Variants in CCDC142 observed in about 807,000 individuals in gnomAD.
The protein encoded by CCDC142 is coiled-coil domain containing 142, also known as coiled-coil domain-containing protein 142.
A neutral mutation model predicts 83.8 loss-of-function variants in CCDC142; 67 were observed. The observed-to-expected ratio is 0.80, with a 90% CI of 0.66 to 0.98. The LOEUF (loss-of-function observed/expected upper bound fraction) is 0.98, where lower values mean the gene tolerates loss of function less well. Among genes scored for constraint, CCDC142 ranks in the 50% least tolerant of loss-of-function variants. The pLI is 0.00. For synonymous variants in CCDC142, 421 were observed against 421.2 expected, an observed-to-expected ratio of 1.00 and a Z score of 0.01; for missense variants, 905 against 946.8, an observed-to-expected ratio of 0.96 and a Z score of 0.58.
chr2:74,481,983 C>T lies in CCDC142; in HGVS notation c.855G>A (p.Val285=), dbSNP rs369893295. 1.1e-5 allele frequency: 18 copies of T among 1,613,814 alleles called. No homozygotes were observed. In the African/African-American group the frequency reaches 2.4e-4, roughly 22 times the overall value. The change falls in exon 1 of 9, where the codon GTG becomes GTA. Residue 285 remains valine, a synonymous_variant. Transcript: ENST00000393965. ...LPGLLGLVGG[V]AGSASCGLGL... ...CTAGTCCACAGCTGGCTGAACCCGCCACGCCCCCGACCAGGCCCAGCAGCC... is the reference window on the plus strand; with the variant it reads ...CTAGTCCACAGCTGGCTGAACCCGCTACGCCCCCGACCAGGCCCAGCAGCC...
At position 74,478,013 on chromosome 2, in the gene CCDC142, A is replaced by T. The variant is rs903308109; in HGVS notation, c.1504-2287T>A. The stretch of plus-strand genomic sequence containing the variant: ...TAAAAAAAAAATATATATATATATA[A>T]ATAGATATAATATAAATAAAATATA... On this transcript the variant is annotated intron_variant, in intron 5 of 8. Transcript: ENST00000393965. Among the ~76,000 whole-genome samples, 42 of 147,506 alleles carry T rather than the reference A, an allele frequency of 2.8e-4. No homozygotes were observed. The East Asian group carries it at 7.6e-3, about 27-fold the overall frequency.
In CCDC142 at chr2:74,475,131, C is replaced by T; in HGVS notation, c.1797-16G>A. On this transcript the variant is annotated splice_polypyrimidine_tract_variant and intron_variant, in intron 7 of 8. Coordinates refer to ENST00000393965, the MANE Select transcript of CCDC142 (RefSeq NM_001365575.2). Reference sequence around the variant, plus strand: ...TCCCTGCAGGCTGAAGGCAGAGGTACAGTATGGCCACTTGACCCTCCTGCC... The same window carrying T: ...TCCCTGCAGGCTGAAGGCAGAGGTATAGTATGGCCACTTGACCCTCCTGCC... 3 of 1,610,226 alleles carry T rather than the reference C, an allele frequency of 1.9e-6. No individual in the cohort carries two copies. The highest frequency in any genetic ancestry group is 2.5e-6 in the Non-Finnish European group (3 of 1,177,830).
Position 74,475,534 on chromosome 2 carries a change from G to A in CCDC142, c.1618+78C>T, listed in dbSNP as rs541371020. On this transcript the variant is annotated intron_variant, in intron 6 of 8. Transcript: ENST00000393965. ...GAGGACAAGGATGGAGACAGTGGAG[G>A]GGAACCGGAATTTGGAAGGGCTGAG... 4.8e-6 allele frequency: 7 copies of A among 1,464,144 alleles called. No homozygotes were observed. The East Asian group carries it at 1.6e-4, about 34-fold the overall frequency. The allele number at this position is 1,464,144 out of a possible 1,614,324, so 90.7% of individuals were successfully genotyped here.
rs1372239551 is a variant in CCDC142, at chr2:74,474,663, A to G, written c.2136T>C (p.Pro712=). The G allele has an allele frequency of 6.2e-7, 1 of 1,614,212 alleles. No homozygotes were observed. The highest frequency in any genetic ancestry group is 2.2e-5 in the East Asian group (1 of 44,878). The change falls in exon 9 of 9, where the codon CCT becomes CCC. Residue 712 remains proline (P), a synonymous_variant. Transcript: ENST00000393965. ...TTCCCACCAGGTAGCCCTCCGGGCT[A>G]GGTCCCCTTCCTCCTAGTGTGCTTT... is the stretch of plus-strand genomic sequence containing the variant. ...QLQSTLGGRG[P]SPEGYLVGNQ...
In CCDC142 at chr2:74,475,038, G is replaced by T; in HGVS notation, c.1874C>A (p.Ser625Tyr). 4 of 1,614,078 alleles carry T rather than the reference G, an allele frequency of 2.5e-6. No individual in the cohort carries two copies. In the South Asian group the frequency reaches 3.3e-5, roughly 13 times the overall value. Reference sequence around the variant, plus strand: ...GAGCAGGGTCTGGCGGAGATCAGGGGACAGGCTCCACTGCTCCTCTTCCAG... The same window carrying T: ...GAGCAGGGTCTGGCGGAGATCAGGGTACAGGCTCCACTGCTCCTCTTCCAG... ...ELLEEEQWSL[S>Y]PDLRQTLLML... The change falls in exon 8 of 9, where the codon TCC (serine) becomes TAC (tyrosine). Residue 625 changes from serine to tyrosine, a missense_variant. Coordinates refer to ENST00000393965, the MANE Select transcript of CCDC142 (RefSeq NM_001365575.2).
intron 1 of CCDC142, 53 bp from the exon 2 acceptor site, chr2:74,481,591 C>A: frequency 6.5e-7 from 1 of 1,536,228 alleles, no homozygotes; most frequent in Non-Finnish European, 9.0e-7. Context: ...CTTTCCACAA[C>A]CCCTGCCCAC....
intron 5 of CCDC142, among the ~76,000 whole-genome samples, chr2:74,479,633 C>G (rs535603255): frequency 6.6e-6 from 1 of 152,250 alleles, no homozygotes; most frequent in African/African-American, 2.4e-5. Flanking sequence ...ACTGTATTGC[C>G]TAGGCTGGCT....
intron 5 of CCDC142, among the ~76,000 whole-genome samples, chr2:74,477,811 A>G (rs1344980337): frequency 6.6e-6 from 1 of 152,076 alleles, no homozygotes; most frequent in African/African-American, 2.4e-5. Context: ...AATGCCCAAC[A>G]GGCAAATGCA....
At chr2:74,477,148 C>T (rs900286281) in intron 5 of CCDC142, among the ~76,000 whole-genome samples, 1 of 150,926 alleles carries the variant, frequency 6.6e-6, no homozygotes, top group Admixed American at 6.6e-5. Context: ...GACCAAGTTT[C>T]GCTCTTATTG....
In CCDC142 at chr2:74,482,357, TC is replaced by T; in HGVS notation, c.480del (p.Thr161LeufsTer7). 6.3e-7 allele frequency: 1 copy of T among 1,592,584 alleles called. No individual in the cohort carries two copies. The highest frequency in any genetic ancestry group is 8.5e-7 in the Non-Finnish European group (1 of 1,171,452). On this transcript the variant is annotated frameshift_variant, in exon 1 of 9. Coordinates refer to ENST00000393965, the MANE Select transcript of CCDC142 (RefSeq NM_001365575.2). LOFTEE classifies it high-confidence loss of function. The surrounding 1 kb of genome is among the most constrained non-coding windows in gnomAD (Gnocchi z 5.0). ...CGCGCTAGCAGCAGCGGCTCGAGAG[TC>T]TCCCCAGGGCCGATTCGCAGAACCG... ...QGAVLRIGPG[E>X]TLEPLLLARP...
At chr2:74,475,833 G>A in intron 5 of CCDC142, 107 bp from the exon 6 acceptor site, 1 of 713,744 alleles carries the variant, frequency 1.4e-6, no homozygotes, top group Non-Finnish European at 2.4e-6. Context: ...CAGAATTGTT[G>A]CATAGTTGTG....
intron 5 of CCDC142, among the ~76,000 whole-genome samples, chr2:74,479,812 C>T (rs1031431325): frequency 3.3e-5 from 5 of 152,056 alleles, no homozygotes; most frequent in Non-Finnish European, 5.9e-5. Flanking sequence ...GGTGGTCTCG[C>T]TATGTTGCCC....
Position 74,482,169 on chromosome 2 carries a change from G to C in CCDC142, c.669C>G (p.Val223=). The C allele has an allele frequency of 6.2e-7, 1 of 1,613,744 alleles. No homozygotes were observed. The highest frequency in any genetic ancestry group is 8.5e-7 in the Non-Finnish European group (1 of 1,179,948). Residue 223 remains valine, a synonymous_variant, in exon 1 of 9, where the codon GTC becomes GTG. Coordinates refer to ENST00000393965, the MANE Select transcript of CCDC142 (RefSeq NM_001365575.2). The surrounding 1 kb of genome is among the most constrained non-coding windows in gnomAD (Gnocchi z 5.0). The part of the protein sequence containing the change: ...HTLQRKALSH[V]PGAARPFPTS... Reference sequence around the variant, plus strand: ...TGGGGAAAGGACGTGCGGCCCCTGGGACGTGGCTCAAGGCTTTTCTCTGTA... The same window carrying C: ...TGGGGAAAGGACGTGCGGCCCCTGGCACGTGGCTCAAGGCTTTTCTCTGTA...
intron 5 of CCDC142, among the ~76,000 whole-genome samples, chr2:74,476,851 C>T (rs1657462932): frequency 6.6e-6 from 1 of 152,208 alleles, no homozygotes; most frequent in Non-Finnish European, 1.5e-5. Context: ...CAGGATAGAC[C>T]TGGGGGCGGC....
chr2:74,474,546 T>C lies in CCDC142; in HGVS notation c.2253A>G (p.Ter751=), dbSNP rs774846636. Residue 751 remains the stop codon, a stop_retained_variant, in exon 9 of 9, where the codon TAA becomes TAG. Transcript: ENST00000393965. ...TTTCTGGCTCCTGGTCCCAGGCTCC[T>C]TAGGATTCAGGACTGGTTCCCAGGC... ...FSCLGTSPES[*] 1 of 1,601,866 alleles carries C rather than the reference T, an allele frequency of 6.2e-7. No individual in the cohort carries two copies. Among genetic ancestry groups the C allele is most frequent in the Admixed American group, 1.7e-5 (1 of 57,338 alleles).
At position 74,474,681 on chromosome 2, in the gene CCDC142, T is replaced by C. The variant is rs190462504; in HGVS notation, c.2118A>G (p.Thr706=). The part of the protein sequence containing the change: ...SPAQTGQLQS[T]LGGRGPSPEG... ...CCGGGCTAGGTCCCCTTCCTCCTAG[T>C]GTGCTTTGCAGCTGACCTGTCTGGG... The change falls in exon 9 of 9, where the codon ACA becomes ACG. Residue 706 remains threonine (T), a synonymous_variant. Coordinates refer to ENST00000393965, the MANE Select transcript of CCDC142 (RefSeq NM_001365575.2). 8.1e-5 allele frequency: 130 copies of C among 1,614,192 alleles called. 2 individuals carry two copies. In the East Asian group the frequency reaches 2.8e-3, roughly 35 times the overall value.
Position 74,482,483 on chromosome 2 carries a change from C to T in CCDC142, c.355G>A (p.Val119Met). The change falls in exon 1 of 9, where the codon GTG becomes ATG. Residue 119 changes from valine to methionine, a missense_variant. Around this residue, in one of 3 missense-constraint regions of CCDC142, gnomAD observed 591 missense variants for 571.4 expected, o/e 1.03. Transcript: ENST00000393965. This position sits in a 1 kb window ranked among gnomAD's most constrained non-coding sequence, Gnocchi z 5.0. ...GGACTCAGGGTCTTCATGAGTCGCA[C>T]AGCCGACTGTAGGTGGTAGGCGCAG... Reference protein sequence around the residue: ...RDCAYHLQSAVRLMKTLSPGS... With the variant: ...RDCAYHLQSAMRLMKTLSPGS... 6.4e-7 allele frequency: 1 copy of T among 1,552,872 alleles called. No homozygotes were observed. The highest frequency in any genetic ancestry group is 8.7e-7 in the Non-Finnish European group (1 of 1,146,946).
chr2:74,476,239 C>A (rs1449809832), intron 5 of CCDC142, among the ~76,000 whole-genome samples: 2 of 152,134 alleles, frequency 1.3e-5, no homozygotes, highest in African/African-American at 4.8e-5. Flanking sequence ...GTGGCGTGAT[C>A]TCGGCTCACT....
Position 74,482,851 on chromosome 2 carries a change from C to T in CCDC142, c.-14G>A, listed in dbSNP as rs1256952244. On this transcript the variant is annotated 5_prime_UTR_variant, in exon 1 of 9. Coordinates refer to ENST00000393965, the MANE Select transcript of CCDC142 (RefSeq NM_001365575.2). This position sits in a 1 kb window ranked among gnomAD's most constrained non-coding sequence, Gnocchi z 5.0. ...CGCCTGGGCCATGGGGCGGCGGGTCCAGAACGAACCTAACGATTCCCACTT... is the reference window on the plus strand; with the variant it reads ...CGCCTGGGCCATGGGGCGGCGGGTCTAGAACGAACCTAACGATTCCCACTT... 1.3e-6 allele frequency: 2 copies of T among 1,592,658 alleles called. No homozygotes were observed. The highest frequency in any genetic ancestry group is 1.7e-4 in the Middle Eastern group (1 of 6,020).
Sources: gnomAD v4.1 joint callset for allele counts (sites outside exome capture counted in the v4.1 genomes callset) on GRCh38, gnomAD v4.1.1 for gene constraint, gnomAD v4.1.1 regional missense constraint, Gnocchi (gnomAD v3.1) non-coding constraint, MANE v1.5 for transcripts, NCBI Gene and HGNC (gene_info 2026-07-23, HGNC 2026-07-21) for gene names.